The following ARHGAP18 variants were observed in gnomAD, a reference collection of about 807,000 sequenced individuals.
The protein encoded by ARHGAP18 is rho GTPase-activating protein 18.
In ARHGAP18, 67 loss-of-function variants were observed where a neutral mutation model predicts 86.2. That is an observed-to-expected ratio of 0.78 (90% confidence interval 0.64 to 0.95). ARHGAP18 has a LOEUF of 0.95. Among genes scored for constraint, ARHGAP18 ranks in the 40% least tolerant of loss-of-function variants. The pLI is 0.00. For missense variants in ARHGAP18, 691 were observed against 780.4 expected (o/e 0.89, Z 1.37); for synonymous variants, 283 against 280.4 (o/e 1.01, Z -0.09).
intron 1 of ARHGAP18, among the ~76,000 whole-genome samples, chr6:129,664,834 G>A (rs1774009677): frequency 6.6e-6 from 1 of 152,172 alleles, no homozygotes; most frequent in African/African-American, 2.4e-5. Flanking sequence ...AATAAATTAG[G>A]TGGGTTAAGA....
intron 1 of ARHGAP18, among the ~76,000 whole-genome samples, chr6:129,703,726 G>A (rs1247059059): frequency 1.3e-5 from 2 of 152,162 alleles, no homozygotes; most frequent in African/African-American, 4.8e-5. Flanking sequence ...AAGAAACTAT[G>A]GATAGGGTTT....
chr6:129,650,317 G>A (rs1360339703), intron 1 of ARHGAP18, among the ~76,000 whole-genome samples: 3 of 152,084 alleles, frequency 2.0e-5, no homozygotes, highest in East Asian at 1.9e-4. Flanking sequence ...AGAACGAAAC[G>A]AATATGGGAA....
At chr6:129,708,555 G>C (rs1774841673) in intron 1 of ARHGAP18, among the ~76,000 whole-genome samples, 1 of 152,218 alleles carries the variant, frequency 6.6e-6, no homozygotes, top group Non-Finnish European at 1.5e-5. Flanking sequence ...CCTGGGGTTT[G>C]AGTCCTACGT....
chr6:129,582,903 C>G (rs536295263), intron 13 of ARHGAP18, among the ~76,000 whole-genome samples: 2 of 152,300 alleles, frequency 1.3e-5, no homozygotes, highest in South Asian at 4.2e-4. Flanking sequence ...TTATTGAAGC[C>G]TAGATATTAC....
At position 129,638,254 on chromosome 6, in the gene ARHGAP18, GT is replaced by G. The variant is rs1489969051; in HGVS notation, c.552+139del. On this transcript the variant is annotated intron_variant, in intron 3 of 14. Transcript: ENST00000368149. ...GAAAGGCAGGAAGCAAGTCTCTCTT[GT>G]TTCCTGCAAGCATAGAGCTTTGGTG... The G allele has an allele frequency of 6.0e-6, 5 of 828,466 alleles. No homozygotes were observed. In the Admixed American group the frequency reaches 1.4e-4, roughly 23 times the overall value. The allele number at this position is 828,466 out of a possible 1,614,324, so 51.3% of individuals were successfully genotyped here. A position where few individuals can be genotyped will look rare whatever the true frequency, so the allele number is the denominator to read the frequency against.
intron 5 of ARHGAP18, among the ~76,000 whole-genome samples, chr6:129,625,054 T>TATA (rs113601462): frequency 0.21 from 11,788 of 55,300 alleles, 2,289 homozygotes; most frequent in Non-Finnish European, 0.25. Context: ...ATATATATGA[T>TATA]TGATATATAT....
chr6:129,669,644 G>T (rs527880314), intron 1 of ARHGAP18, among the ~76,000 whole-genome samples: 116 of 151,892 alleles, frequency 7.6e-4, no homozygotes, highest in Non-Finnish European at 1.2e-3. Context: ...AATTAGCTGG[G>T]CATGGTGGCA....
intron 1 of ARHGAP18, among the ~76,000 whole-genome samples, chr6:129,701,522 C>T (rs528554738): frequency 1.3e-4 from 20 of 152,230 alleles, no homozygotes; most frequent in African/African-American, 4.3e-4. Context: ...CTATAATCCC[C>T]ACACTTTGGG....
intron 1 of ARHGAP18, among the ~76,000 whole-genome samples, chr6:129,652,123 CACAG>C (rs1296269408): frequency 1.3e-5 from 2 of 152,224 alleles, no homozygotes; most frequent in African/African-American, 4.8e-5. Context: ...GTTACAACAG[CACAG>C]ACAGACTGAG....
At chr6:129,583,921 G>A in intron 13 of ARHGAP18, 67 bp downstream of exon 13, 1 of 1,530,746 alleles carries the variant, frequency 6.5e-7, no homozygotes, top group Non-Finnish European at 8.8e-7. Flanking sequence ...AGAAGCAGCA[G>A]CGAAGGCGAG....
chr6:129,579,182 T>C (rs1013998953), intron 14 of ARHGAP18, among the ~76,000 whole-genome samples: 1 of 152,050 alleles, frequency 6.6e-6, no homozygotes, highest in African/African-American at 2.4e-5. Context: ...GGGGCAATGG[T>C]TTTGAATCCA....
intron 12 of ARHGAP18, among the ~76,000 whole-genome samples, chr6:129,585,590 C>T (rs1788381732): frequency 6.6e-6 from 1 of 152,232 alleles, no homozygotes; most frequent in African/African-American, 2.4e-5. Context: ...ACCTGACCAT[C>T]AACCTCAGAA....
chr6:129,592,369 TA>T (rs574155552), intron 12 of ARHGAP18, among the ~76,000 whole-genome samples: 31 of 152,220 alleles, frequency 2.0e-4, no homozygotes, highest in Admixed American at 1.4e-3. Context: ...ACTCAGCATC[TA>T]CACCGCACTG....
At chr6:129,598,535 G>C (rs565311000) in intron 12 of ARHGAP18, among the ~76,000 whole-genome samples, 1 of 152,112 alleles carries the variant, frequency 6.6e-6, no homozygotes, top group Non-Finnish European at 1.5e-5. Context: ...ATGAACTTAC[G>C]CTACAGCTTT....
chr6:129,661,793 G>C, intron 1 of ARHGAP18: 1 of 809,886 alleles, frequency 1.2e-6, no homozygotes, highest in Non-Finnish European at 1.5e-6. Context: ...CAGGGTATCC[G>C]TTCGGCCCTC....
intron 1 of ARHGAP18, among the ~76,000 whole-genome samples, chr6:129,706,159 T>A (rs571461821): frequency 1.3e-3 from 191 of 152,306 alleles, no homozygotes; most frequent in African/African-American, 4.5e-3. Context: ...AACAACCATT[T>A]CTCTTAAAAT....
At chr6:129,691,568 G>A (rs1006468793) in intron 1 of ARHGAP18, among the ~76,000 whole-genome samples, 2 of 152,132 alleles carry the variant, frequency 1.3e-5, no homozygotes, top group African/African-American at 4.8e-5. Context: ...AGGGTTCACA[G>A]AACAAAGTTT....
At chr6:129,666,869 C>A (rs1005482722) in intron 1 of ARHGAP18, among the ~76,000 whole-genome samples, 1 of 126,234 alleles carries the variant, frequency 7.9e-6, no homozygotes, top group African/African-American at 3.4e-5. Context: ...ATTCTTTTCT[C>A]CTGTACCTGT....
chr6:129,667,469 ATG>A (rs376500003), intron 1 of ARHGAP18, among the ~76,000 whole-genome samples: 2,417 of 103,904 alleles, frequency 0.023, 39 homozygotes, highest in Middle Eastern at 0.052. Flanking sequence ...AAAAATATAT[ATG>A]TGTGTGTGTG....
Sources: gnomAD v4.1 joint callset for allele counts (sites outside exome capture counted in the v4.1 genomes callset) on GRCh38, gnomAD v4.1.1 for gene constraint, MANE v1.5 for transcripts, NCBI Gene and HGNC (gene_info 2026-07-23, HGNC 2026-07-21) for gene names.